Variants in NELL1 observed in about 807,000 individuals in gnomAD.
NELL1 encodes the protein neural EGFL like 1, also known as protein kinase C-binding protein NELL1.
A neutral mutation model predicts 107.4 loss-of-function variants in NELL1; 76 were observed. The observed-to-expected ratio is 0.71, with a 90% confidence interval of 0.59 to 0.86. NELL1 has a LOEUF of 0.86. NELL1 is among the 40% of genes least tolerant of loss of function. The pLI, the probability that NELL1 is intolerant of heterozygous loss-of-function variation, is 0.00. For synonymous variants in NELL1, 353 were observed against 341.2 expected (o/e 1.03, Z -0.38); for missense variants, 1,024 against 1,005.5 (o/e 1.02, Z -0.25).
At chr11:20,946,117 T>C (rs1268647416) in intron 10 of NELL1, among the ~76,000 whole-genome samples, 1 of 152,210 alleles carries the variant, frequency 6.6e-6, no homozygotes, top group African/African-American at 2.4e-5. Context: ...AGAATGGGTA[T>C]TCCTGATATA....
intron 4 of NELL1, among the ~76,000 whole-genome samples, chr11:20,848,136 G>C (rs1848734360): frequency 6.6e-6 from 1 of 152,150 alleles, no homozygotes; most frequent in South Asian, 2.1e-4. Context: ...GTCTACCCTG[G>C]AATGAATCTG....
chr11:20,755,973 A>G (rs1856276228), intron 2 of NELL1, among the ~76,000 whole-genome samples: 1 of 144,950 alleles, frequency 6.9e-6, no homozygotes, highest in Non-Finnish European at 1.5e-5. Context: ...GCTCACTGCA[A>G]GCTCTGCCTG....
Position 21,047,444 on chromosome 11 carries a change from T to G in NELL1, c.1301-66145T>G, listed in dbSNP as rs566942863. ...ATTAGATGAACCTAATGGCTATTAA[T>G]AAATGACTTCTTGATGTCATGTAAT... On this transcript the variant is annotated intron_variant, in intron 12 of 19. Transcript: ENST00000357134. Among the ~76,000 whole-genome samples, 6 of 152,312 alleles carry G rather than the reference T, an allele frequency of 3.9e-5. No individual in the cohort carries two copies. The South Asian group carries it at 1.2e-3, about 32-fold the overall frequency.
chr11:21,036,009 TC>T (rs1182606255), intron 12 of NELL1, among the ~76,000 whole-genome samples: 1 of 152,058 alleles, frequency 6.6e-6, no homozygotes, highest in Non-Finnish European at 1.5e-5. Context: ...CCCAAAAGCT[TC>T]TTAAGCTGAT....
chr11:21,502,398 T>C (rs572552320), intron 15 of NELL1, among the ~76,000 whole-genome samples: 2 of 152,148 alleles, frequency 1.3e-5, no homozygotes, highest in Non-Finnish European at 2.9e-5. Flanking sequence ...AAGTAAAAAT[T>C]TGTTTTACAA....
chr11:20,962,327 G>A lies in NELL1; in HGVS notation c.1300+1767G>A, dbSNP rs139938303. 5.4e-3 allele frequency among the ~76,000 whole-genome samples: 824 copies of A among 152,080 alleles called. 7 individuals are homozygous for A. The highest frequency in any genetic ancestry group is 0.019 in the African/African-American group (786 of 41,472). On this transcript the variant is annotated intron_variant, in intron 12 of 19. Transcript: ENST00000357134. ...GTGAGTATTCCCACTATTTACCATG[G>A]AAAAATCCTGTAAGCCACATAATGG...
At chr11:20,973,009 C>G (rs1319310482) in intron 12 of NELL1, among the ~76,000 whole-genome samples, 1 of 151,730 alleles carries the variant, frequency 6.6e-6, no homozygotes, top group Admixed American at 6.6e-5. Flanking sequence ...TCAAATCAAA[C>G]TCTAATGGCT....
intron 14 of NELL1, among the ~76,000 whole-genome samples, chr11:21,304,693 T>C (rs535193054): frequency 6.6e-6 from 1 of 152,118 alleles, no homozygotes; most frequent in African/African-American, 2.4e-5. Context: ...TATTTTGTCT[T>C]GCCCTGTTGT....
At chr11:20,978,408 T>G (rs1851683601) in intron 12 of NELL1, among the ~76,000 whole-genome samples, 2 of 151,608 alleles carry the variant, frequency 1.3e-5, no homozygotes, top group African/African-American at 4.8e-5. Flanking sequence ...CCTTCAATCC[T>G]AATCCAATAT....
rs78944145 is a variant in NELL1 at position 21,547,360 on chromosome 11, C to G, written c.1787-12829C>G. Among the ~76,000 whole-genome samples, 1,407 of 151,358 alleles carry G rather than the reference C, an allele frequency of 9.3e-3. 24 individuals carry two copies. Among genetic ancestry groups the G allele is most frequent in the African/African-American group, 0.033 (1,356 of 41,278 alleles). Reference sequence around the variant, plus strand: ...GGTGAGATTTCCAGTGTAGATGAAGCACGTGCTTCATCCACAAACCCTATA... The same window carrying G: ...GGTGAGATTTCCAGTGTAGATGAAGGACGTGCTTCATCCACAAACCCTATA... On this transcript the variant is annotated intron_variant, in intron 16 of 19. Coordinates refer to ENST00000357134, the MANE Select transcript of NELL1 (RefSeq NM_006157.5).
chr11:20,925,690 G>A (rs1042952239), intron 7 of NELL1, among the ~76,000 whole-genome samples: 30 of 152,116 alleles, frequency 2.0e-4, no homozygotes, highest in African/African-American at 7.0e-4. Context: ...TAGTTCTTTA[G>A]GGGCTGCTCA....
intron 15 of NELL1, among the ~76,000 whole-genome samples, chr11:21,440,439 A>C (rs1044735953): frequency 6.6e-6 from 1 of 152,178 alleles, no homozygotes; most frequent in Non-Finnish European, 1.5e-5. Flanking sequence ...TATTTAGGTG[A>C]TGATAAAAGT....
At chr11:20,812,796 C>T (rs1857527774) in intron 3 of NELL1, among the ~76,000 whole-genome samples, 1 of 151,514 alleles carries the variant, frequency 6.6e-6, no homozygotes, top group African/African-American at 2.4e-5. Flanking sequence ...ATCACGAGGT[C>T]AGGAGATCGA....
chr11:20,885,622 T>C lies in NELL1; in HGVS notation c.603+82T>C, dbSNP rs1372142522. 18 of 862,286 alleles carry C rather than the reference T, an allele frequency of 2.1e-5. No homozygotes were observed. In the East Asian group the frequency reaches 4.6e-4, roughly 22 times the overall value. The allele number at this position is 862,286 out of a possible 1,614,324, so 53.4% of individuals were successfully genotyped here. ...GTGTTATTTATTGGAGCCGTGTTTA[T>C]AATTACATTAGTGGGAAGGGCATGG... On this transcript the variant is annotated intron_variant, in intron 5 of 19. Transcript: ENST00000357134.
At chr11:21,088,142 A>C (rs995127795) in intron 12 of NELL1, among the ~76,000 whole-genome samples, 1 of 150,362 alleles carries the variant, frequency 6.7e-6, no homozygotes, top group African/African-American at 2.5e-5. Context: ...AATAAAGGCT[A>C]TTGTTCTAGA....
At chr11:21,164,767 T>C (rs1279493782) in intron 13 of NELL1, among the ~76,000 whole-genome samples, 2 of 152,214 alleles carry the variant, frequency 1.3e-5, no homozygotes, top group African/African-American at 4.8e-5. Context: ...AATCCTCTGA[T>C]TTGTGCCTCA....
intron 13 of NELL1, among the ~76,000 whole-genome samples, chr11:21,223,838 C>G (rs914821396): frequency 1.3e-5 from 2 of 152,156 alleles, no homozygotes; most frequent in African/African-American, 4.8e-5. Flanking sequence ...AAGCTTTTCT[C>G]GTAGATCAGG....
chr11:21,257,837 A>C (rs1442786936), intron 14 of NELL1, among the ~76,000 whole-genome samples: 1 of 151,988 alleles, frequency 6.6e-6, no homozygotes. Flanking sequence ...TATCCATGAC[A>C]GTGTCCACAA....
chr11:21,017,278 C>G (rs918237113), intron 12 of NELL1, among the ~76,000 whole-genome samples: 4 of 152,122 alleles, frequency 2.6e-5, no homozygotes, highest in African/African-American at 4.8e-5. Context: ...CCAAGAAACT[C>G]TTGAGAATGA....
Sources: gnomAD v4.1 joint callset for allele counts (sites outside exome capture counted in the v4.1 genomes callset) on GRCh38, gnomAD v4.1.1 for gene constraint, MANE v1.5 for transcripts, NCBI Gene and HGNC (gene_info 2026-07-23, HGNC 2026-07-21) for gene names.